Variants in TRPM3 observed in about 807,000 individuals in gnomAD.
The protein encoded by TRPM3 is transient receptor potential cation channel subfamily M member 3.
In TRPM3, 77 loss-of-function variants were observed where a neutral mutation model predicts 181.2. That is an observed-to-expected ratio of 0.42 (90% confidence interval 0.35 to 0.51). The LOEUF (loss-of-function observed/expected upper bound fraction) is 0.51, where lower values mean the gene tolerates loss of function less well. Ranked by LOEUF, TRPM3 falls within the 20% of genes least tolerant of loss-of-function variation. The pLI is 0.01. For missense variants in TRPM3, 1,759 were observed against 2,196.7 expected (o/e 0.80, Z 3.98); for synonymous variants, 745 against 796.4 (o/e 0.94, Z 1.09).
At position 70,798,876 on chromosome 9, in the gene TRPM3, G is replaced by A. The variant is rs188688533; in HGVS notation, c.974-14597C>T. Among the ~76,000 whole-genome samples, 399 of 152,296 alleles carry A rather than the reference G, an allele frequency of 2.6e-3. 6 individuals carry two copies. Among genetic ancestry groups the A allele is most frequent in the South Asian group, 0.018 (86 of 4,820 alleles). On this transcript the variant is annotated intron_variant, in intron 6 of 25. Transcript: ENST00000677713. Reference sequence around the variant, plus strand: ...CTACGGGGCCTCAGCAGTGGTCAGAGACCTAGAGAAGAACATGCTGAGTGC... The same window carrying A: ...CTACGGGGCCTCAGCAGTGGTCAGAAACCTAGAGAAGAACATGCTGAGTGC...
At chr9:71,011,891 C>T (rs901660807) in intron 1 of TRPM3, among the ~76,000 whole-genome samples, 1 of 150,472 alleles carries the variant, frequency 6.6e-6, no homozygotes, top group Non-Finnish European at 1.5e-5. Flanking sequence ...AGCGATCCTT[C>T]CACCTCAGCC....
rs376298863 is a variant in TRPM3, at chr9:70,536,003, T to C, written c.5110A>G (p.Arg1704Gly). Residue 1704 changes from arginine to glycine, a missense_variant, in exon 26 of 26, where the codon AGA becomes GGA. By Grantham distance (125) the Arg-to-Gly change is moderately radical (BLOSUM62 -2). Coordinates refer to ENST00000677713, the MANE Select transcript of TRPM3 (RefSeq NM_001366145.2). Reference protein sequence around the residue: ...EGRGDSLSMRRLSRTSAFQSF... With the variant: ...EGRGDSLSMRGLSRTSAFQSF... Reference sequence around the variant, plus strand: ...TGGAAAGCCGATGTTCTGGACAGTCTCCTCATGGACAGGCTGTCCCCTCGG... The same window carrying C: ...TGGAAAGCCGATGTTCTGGACAGTCCCCTCATGGACAGGCTGTCCCCTCGG... 1.2e-5 allele frequency: 19 copies of C among 1,613,500 alleles called. No individual in the cohort carries two copies. The highest frequency in any genetic ancestry group is 1.5e-5 in the Non-Finnish European group (18 of 1,179,746).
chr9:71,359,050 T>C (rs1420671955), intron 1 of TRPM3, among the ~76,000 whole-genome samples: 2 of 152,244 alleles, frequency 1.3e-5, no homozygotes, highest in African/African-American at 4.8e-5. Context: ...CTGAGTTTTC[T>C]GAAATGAAAG....
intron 1 of TRPM3, among the ~76,000 whole-genome samples, chr9:71,108,932 T>C (rs1364138286): frequency 6.6e-6 from 1 of 152,220 alleles, no homozygotes; most frequent in South Asian, 2.1e-4. Context: ...TATTTTTGGA[T>C]GAGGTTTACA....
chr9:70,822,717 T>C (rs905980564), intron 6 of TRPM3, among the ~76,000 whole-genome samples: 9 of 151,950 alleles, frequency 5.9e-5, no homozygotes, highest in Non-Finnish European at 1.2e-4. Context: ...TTCTAGGTTA[T>C]GTATATTTAT....
intron 1 of TRPM3, among the ~76,000 whole-genome samples, chr9:70,919,648 G>A (rs889378406): frequency 6.6e-6 from 1 of 152,164 alleles, no homozygotes; most frequent in East Asian, 1.9e-4. Context: ...GCTGGGCGTG[G>A]TGGTGGGTGC....
chr9:71,192,894 C>T (rs1336244743), intron 1 of TRPM3, among the ~76,000 whole-genome samples: 2 of 151,750 alleles, frequency 1.3e-5, no homozygotes, highest in Non-Finnish European at 2.9e-5. Context: ...GATATATTAA[C>T]CAGCTTGATT....
intron 1 of TRPM3, among the ~76,000 whole-genome samples, chr9:71,045,897 A>G (rs192237341): frequency 8.5e-4 from 129 of 152,222 alleles, no homozygotes; most frequent in Admixed American, 2.4e-3. Context: ...AACAAAAATA[A>G]ATAGGATTAT....
intron 1 of TRPM3, among the ~76,000 whole-genome samples, chr9:71,146,990 A>G (rs2075444598): frequency 6.6e-6 from 1 of 152,146 alleles, no homozygotes; most frequent in Non-Finnish European, 1.5e-5. Flanking sequence ...TCTTGCCTCA[A>G]AAAGAAACCC....
intron 7 of TRPM3, chr9:70,775,158 C>G (rs1048090756): frequency 4.6e-5 from 7 of 152,290 alleles, no homozygotes; most frequent in Non-Finnish European, 7.4e-5. Flanking sequence ...TAATGTCAGC[C>G]AGGTTGATTC....
chr9:71,265,058 A>G (rs1344164454), intron 1 of TRPM3, among the ~76,000 whole-genome samples: 2 of 152,164 alleles, frequency 1.3e-5, no homozygotes, highest in African/African-American at 4.8e-5. Context: ...TGAAACACCC[A>G]CTTAGTTTTC....
Position 70,618,908 on chromosome 9 carries a change from A to T in TRPM3, c.2317T>A (p.Trp773Arg), listed in dbSNP as rs2063196778. The T allele has an allele frequency of 1.2e-6, 2 of 1,611,312 alleles. No homozygotes were observed. Among genetic ancestry groups the T allele is most frequent in the Non-Finnish European group, 1.7e-6 (2 of 1,179,938 alleles). ...TCSQMLLTDM[W>R]MGRLRMRKNS... ...TTGCGCATGCGGAGCCGGCCCATCC[A>T]CATGTCGGTGAGCAGCATCTGGCTG... Residue 773 changes from tryptophan (W) to arginine (R), a missense_variant, in exon 17 of 26, where the codon TGG becomes AGG. This residue lies in a region of TRPM3 where 114 missense variants were observed against 134.8 expected (regional missense o/e 0.85). Coordinates refer to ENST00000677713, the MANE Select transcript of TRPM3 (RefSeq NM_001366145.2).
intron 1 of TRPM3, among the ~76,000 whole-genome samples, chr9:71,164,039 G>A (rs1252792604): frequency 6.6e-6 from 1 of 152,118 alleles, no homozygotes; most frequent in Non-Finnish European, 1.5e-5. Flanking sequence ...TCAAGCAACA[G>A]ATGCTAATGA....
chr9:70,552,804 T>C, intron 24 of TRPM3, 40 bp downstream of exon 24: 2 of 1,607,752 alleles, frequency 1.2e-6, no homozygotes, highest in Non-Finnish European at 1.7e-6. Context: ...GTGGTAGGGA[T>C]TTCTGATTTG....
chr9:71,035,404 T>C (rs2058060885), intron 1 of TRPM3, among the ~76,000 whole-genome samples: 1 of 152,192 alleles, frequency 6.6e-6, no homozygotes, highest in Non-Finnish European at 1.5e-5. Context: ...CATTCATATA[T>C]TGTATAAAAA....
At chr9:70,748,606 T>C (rs1189960835) in intron 8 of TRPM3, among the ~76,000 whole-genome samples, 1 of 152,112 alleles carries the variant, frequency 6.6e-6, no homozygotes, top group Non-Finnish European at 1.5e-5. Flanking sequence ...ATGGGATTAG[T>C]GCCCTTACGA....
rs145258033 is a variant in TRPM3 at position 71,099,096 on chromosome 9, G to A, written c.177+22082C>T. 2.8e-4 allele frequency among the ~76,000 whole-genome samples: 43 copies of A among 152,226 alleles called. 1 individual carries two copies. In the East Asian group the frequency reaches 8.1e-3, roughly 29 times the overall value. The stretch of plus-strand genomic sequence containing the variant: ...GCTACAACAAAATACTGTAAACTAG[G>A]TGGCTTATAAAAATTTATTTCTCAC... On this transcript the variant is annotated intron_variant, in intron 1 of 25. Transcript: ENST00000677713.
At chr9:71,438,102 TG>T (rs750463594) in intron 1 of TRPM3, among the ~76,000 whole-genome samples, 1 of 152,124 alleles carries the variant, frequency 6.6e-6, no homozygotes, top group Non-Finnish European at 1.5e-5. Context: ...ACATCTGAGA[TG>T]ACACCATTGG....
intron 5 of TRPM3, among the ~76,000 whole-genome samples, chr9:70,838,171 A>G (rs1379479436): frequency 6.6e-6 from 1 of 152,238 alleles, no homozygotes; most frequent in Non-Finnish European, 1.5e-5. Context: ...ACAAACTATG[A>G]CATTAAGGGT....
Sources: allele counts gnomAD v4.1 joint callset (sites outside exome capture counted in the v4.1 genomes callset), GRCh38; gene constraint gnomAD v4.1.1; regional missense constraint gnomAD v4.1.1; transcripts MANE v1.5; gene names NCBI Gene and HGNC (gene_info 2026-07-23, HGNC 2026-07-21).